DLG2: variants seen among roughly 807,000 people sequenced by gnomAD.
DLG2 encodes the protein discs large MAGUK scaffold protein 2.
Under a neutral mutation model 132.5 loss-of-function variants are expected in DLG2, and 45 were observed. The observed-to-expected ratio is 0.34, with a 90% confidence interval of 0.27 to 0.44. DLG2 has a LOEUF of 0.44. Among genes scored for constraint, DLG2 ranks in the 20% least tolerant of loss-of-function variants. The pLI, the probability that DLG2 is intolerant of heterozygous loss-of-function variation, is 1.00. For missense variants in DLG2, 1,045 were observed against 1,196.9 expected, an observed-to-expected ratio of 0.87 and a Z score of 1.87; for synonymous variants, 424 against 419.6, an observed-to-expected ratio of 1.01 and a Z score of -0.13.
In DLG2 at chr11:83,797,765, G is replaced by A. The variant is rs141123354; in HGVS notation, c.1723-10973C>T. Among the ~76,000 whole-genome samples, 1,214 of 152,118 alleles carry A rather than the reference G, an allele frequency of 8.0e-3. 16 individuals carry two copies. The highest frequency in any genetic ancestry group is 0.028 in the African/African-American group (1,150 of 41,488). On this transcript the variant is annotated intron_variant, in intron 17 of 27. Coordinates refer to ENST00000376104, the MANE Select transcript of DLG2 (RefSeq NM_001142699.3). ...GATCTCCTGACCTTGTGATCCGCCC[G>A]CCTCGGCCTCCCAAAGTGCTGGGAA...
At chr11:84,185,214 C>T (rs186700814) in intron 8 of DLG2, among the ~76,000 whole-genome samples, 2 of 151,980 alleles carry the variant, frequency 1.3e-5, no homozygotes, top group Non-Finnish European at 2.9e-5. Flanking sequence ...CATGGAATGT[C>T]CTTCTATTTG....
At chr11:84,645,998 T>C (rs1460336065) in intron 6 of DLG2, among the ~76,000 whole-genome samples, 1 of 152,196 alleles carries the variant, frequency 6.6e-6, no homozygotes, top group Non-Finnish European at 1.5e-5. Context: ...GTGTGAGATA[T>C]CTTCCCGAAA....
chr11:83,657,534 CTTTTTTTTTTT>C (rs540422330), intron 18 of DLG2, among the ~76,000 whole-genome samples: 3 of 93,398 alleles, frequency 3.2e-5, no homozygotes, highest in Non-Finnish European at 6.1e-5. Context: ...ATTGTCTATT[CTTTTTTTTTTT>C]TTTTTTTTTT....
intron 8 of DLG2, among the ~76,000 whole-genome samples, chr11:84,246,597 T>C (rs73519776): frequency 0.028 from 4,270 of 152,308 alleles, 169 homozygotes; most frequent in African/African-American, 0.096. Context: ...AGATCTATAG[T>C]AAAAATGAAT....
intron 12 of DLG2, among the ~76,000 whole-genome samples, chr11:83,979,785 T>TA (rs1195782010): frequency 6.6e-6 from 1 of 152,168 alleles, no homozygotes; most frequent in Non-Finnish European, 1.5e-5. Flanking sequence ...ACTGTGGAAA[T>TA]ACGCTTATCA....
intron 17 of DLG2, chr11:83,791,574 T>A: frequency 1.9e-5 from 9 of 485,686 alleles, no homozygotes; most frequent in South Asian, 1.8e-4. Flanking sequence ...ACTGATTTTC[T>A]TCATTATGAC....
In DLG2 at chr11:83,939,580, A is replaced by C; in HGVS notation, c.1341-9097T>G. 1.3e-5 allele frequency among the ~76,000 whole-genome samples: 2 copies of C among 152,186 alleles called. 1 individual carries two copies. Among genetic ancestry groups the C allele is most frequent in the Non-Finnish European group, 2.9e-5 (2 of 68,024 alleles). ...TTTATCATGGTGTCAAAAATATAAT[A>C]TTACAGAATAAATACTCTACCTCTA... is the stretch of plus-strand genomic sequence containing the variant. On this transcript the variant is annotated intron_variant, in intron 14 of 27. Coordinates refer to ENST00000376104, the MANE Select transcript of DLG2 (RefSeq NM_001142699.3).
intron 7 of DLG2, among the ~76,000 whole-genome samples, chr11:84,478,551 T>G (rs542150141): frequency 6.6e-6 from 1 of 152,060 alleles, no homozygotes; most frequent in Non-Finnish European, 1.5e-5. Context: ...TGAACATCCT[T>G]ATGCATAAAT....
chr11:85,146,100 A>T (rs2076821606), intron 5 of DLG2, among the ~76,000 whole-genome samples: 1 of 152,122 alleles, frequency 6.6e-6, no homozygotes, highest in Admixed American at 6.6e-5. Flanking sequence ...AGACTCCTAG[A>T]GGTACCACCT....
At chr11:85,189,842 C>A (rs1314909881) in intron 4 of DLG2, among the ~76,000 whole-genome samples, 1 of 151,950 alleles carries the variant, frequency 6.6e-6, no homozygotes, top group Non-Finnish European at 1.5e-5. Flanking sequence ...CTCACCCAGA[C>A]TGGAGTACAG....
chr11:83,587,932 A>G (rs1593883044), intron 19 of DLG2, among the ~76,000 whole-genome samples: 1 of 152,198 alleles, frequency 6.6e-6, no homozygotes, highest in Non-Finnish European at 1.5e-5. Context: ...AGCTTTTCCC[A>G]TGGGCTTAAA....
At chr11:83,684,184 G>A (rs141879346) in intron 18 of DLG2, among the ~76,000 whole-genome samples, 5 of 152,126 alleles carry the variant, frequency 3.3e-5, no homozygotes, top group East Asian at 1.9e-4. Context: ...AACTCCTACC[G>A]TAAGTCAGTA....
chr11:84,905,836 C>T (rs1000688889), intron 6 of DLG2, among the ~76,000 whole-genome samples: 2 of 152,166 alleles, frequency 1.3e-5, no homozygotes, highest in Admixed American at 6.5e-5. Flanking sequence ...AAGCCTGAGC[C>T]ATTTGACCTT....
chr11:85,428,955 G>A (rs372836849), intron 3 of DLG2, among the ~76,000 whole-genome samples: 9 of 151,994 alleles, frequency 5.9e-5, no homozygotes, highest in East Asian at 5.8e-4. Flanking sequence ...TATCACCACC[G>A]ATCCCACAGA....
At chr11:85,504,894 G>C (rs286535) in intron 3 of DLG2, among the ~76,000 whole-genome samples, 121,463 of 152,046 alleles carry the variant, frequency 0.8, 48,983 homozygotes, top group Middle Eastern at 0.9. Context: ...TCATTGAGCA[G>C]TGCTTTGTAG....
chr11:84,938,658 T>C (rs2049026814), intron 6 of DLG2, among the ~76,000 whole-genome samples: 1 of 152,184 alleles, frequency 6.6e-6, no homozygotes, highest in Non-Finnish European at 1.5e-5. Context: ...GTTGTCTTTT[T>C]CCATTGGCAA....
At chr11:85,569,091 G>A (rs1443463312) in intron 3 of DLG2, among the ~76,000 whole-genome samples, 1 of 152,190 alleles carries the variant, frequency 6.6e-6, no homozygotes, top group Non-Finnish European at 1.5e-5. Context: ...AAGTGCAATG[G>A]TGTGATCTCA....
chr11:83,928,684 G>A (rs541194475), intron 15 of DLG2, among the ~76,000 whole-genome samples: 1 of 152,114 alleles, frequency 6.6e-6, no homozygotes, highest in African/African-American at 2.4e-5. Context: ...ACTTACTAAT[G>A]GATGATCTTG....
At chr11:84,022,357 C>G (rs1161247437) in intron 11 of DLG2, among the ~76,000 whole-genome samples, 1 of 152,198 alleles carries the variant, frequency 6.6e-6, no homozygotes, top group Non-Finnish European at 1.5e-5. Context: ...ACAACAACAT[C>G]ATAAAACACA....
Sources: gnomAD v4.1 joint callset for allele counts (sites outside exome capture counted in the v4.1 genomes callset) on GRCh38, gnomAD v4.1.1 for gene constraint, MANE v1.5 for transcripts, NCBI Gene and HGNC (gene_info 2026-07-23, HGNC 2026-07-21) for gene names.